Variants in ZNF326 observed in about 807,000 individuals in gnomAD.
The protein encoded by ZNF326 is zinc finger protein 326, also known as DBIRD complex subunit ZNF326.
Under a neutral mutation model 63.1 loss-of-function variants are expected in ZNF326, and 30 were observed. That is an observed-to-expected ratio of 0.48 (90% CI 0.36 to 0.64). ZNF326 has a LOEUF of 0.64. Ranked by LOEUF, ZNF326 falls within the 30% of genes least tolerant of loss-of-function variation. ZNF326 has a pLI of 0.00. For missense variants in ZNF326, 609 were observed against 720.3 expected (o/e 0.85, Z 1.77); for synonymous variants, 194 against 228.2 (o/e 0.85, Z 1.35).
intron 1 of ZNF326, among the ~76,000 whole-genome samples, chr1:89,996,060 T>C (rs181582965): frequency 2.0e-5 from 3 of 152,346 alleles, no homozygotes; most frequent in African/African-American, 4.8e-5. Flanking sequence ...AACTGTATTT[T>C]AGCAATACTT....
At chr1:89,996,099 A>G (rs1648358208) in intron 1 of ZNF326, among the ~76,000 whole-genome samples, 2 of 152,214 alleles carry the variant, frequency 1.3e-5, no homozygotes, top group Admixed American at 1.3e-4. Flanking sequence ...TAATTCTTTA[A>G]ACCACTTTTA....
At chr1:90,022,381 TGTA>T in intron 11 of ZNF326, 36 bp downstream of exon 11, 1 of 1,439,750 alleles carries the variant, frequency 6.9e-7, no homozygotes, top group African/African-American at 1.4e-5. Context: ...TCAATAATAT[TGTA>T]GTATTGCAAT....
rs910479441 is a variant in ZNF326, at chr1:90,030,512, A to G, written c.*2811A>G. ...TTTGCATTTTCTTATTCTATAGCCT[A>G]TACCCATCAGCTTTCCTTGGCTGAT... On this transcript the variant is annotated 3_prime_UTR_variant, in exon 12 of 12. Transcript: ENST00000340281. 6 of 152,102 alleles carry G rather than the reference A, an allele frequency of 3.9e-5. No individual in the cohort carries two copies. Among genetic ancestry groups the G allele is most frequent in the East Asian group, 1.9e-4 (1 of 5,190 alleles). The allele number at this position is 152,102 out of a possible 1,614,324, so 9.4% of individuals were successfully genotyped here.
intron 7 of ZNF326, among the ~76,000 whole-genome samples, 200 bp downstream of exon 7, chr1:90,013,437 A>G (rs940721857): frequency 6.6e-6 from 1 of 152,246 alleles, no homozygotes; most frequent in African/African-American, 2.4e-5. Flanking sequence ...TTCTATTCAT[A>G]TTGGCAATCC....
At chr1:90,023,710 G>T (rs1340345737) in intron 11 of ZNF326, among the ~76,000 whole-genome samples, 1 of 152,188 alleles carries the variant, frequency 6.6e-6, no homozygotes, top group African/African-American at 2.4e-5. Context: ...GATGTATGAA[G>T]ATAATTTTTA....
chr1:90,027,735 T>G lies in ZNF326; in HGVS notation c.*34T>G, dbSNP rs1196038815. The stretch of plus-strand genomic sequence containing the variant: ...TATTAGATTTAAAAGGAGCTTTACA[T>G]TTCGGTTCTAATGTAAAAAAGGGTA... On this transcript the variant is annotated 3_prime_UTR_variant, in exon 12 of 12. Transcript: ENST00000340281. 6.2e-7 allele frequency: 1 copy of G among 1,603,026 alleles called. No individual in the cohort carries two copies. The highest frequency in any genetic ancestry group is 8.5e-7 in the Non-Finnish European group (1 of 1,172,540).
Position 90,005,171 on chromosome 1 carries a change from C to T in ZNF326, c.136C>T (p.Gln46Ter). Reference sequence around the variant, plus strand: ...CTATGGCCATGGATCCTATGGGGGTCAGAGATCCATGGATTCCTACCTAAA... The same window carrying T: ...CTATGGCCATGGATCCTATGGGGGTTAGAGATCCATGGATTCCTACCTAAA... Reference protein sequence around the residue: ...RDYGHGSYGGQRSMDSYLNQS... With the variant: ...RDYGHGSYGG The change falls in exon 4 of 12, where the codon CAG becomes TAG. Residue 46 changes from glutamine (Q) to a stop codon, truncating the protein, a stop_gained. Coordinates refer to ENST00000340281, the MANE Select transcript of ZNF326 (RefSeq NM_182976.4). LOFTEE classifies it high-confidence loss of function. 1.2e-6 allele frequency: 2 copies of T among 1,613,788 alleles called. No homozygotes were observed. Among genetic ancestry groups the T allele is most frequent in the Non-Finnish European group, 1.7e-6 (2 of 1,179,906 alleles).
At position 90,030,018 on chromosome 1, in the gene ZNF326, C is replaced by G. The variant is rs1650196442; in HGVS notation, c.*2317C>G. On this transcript the variant is annotated 3_prime_UTR_variant, in exon 12 of 12. Coordinates refer to ENST00000340281, the MANE Select transcript of ZNF326 (RefSeq NM_182976.4). ...TCTGTTTTCAAGTATCACTTGTTTT[C>G]TCTATTACAAAGTGAGATACATAGT... 6.6e-6 allele frequency: 1 copy of G among 152,138 alleles called. No homozygotes were observed. Among genetic ancestry groups the G allele is most frequent in the South Asian group, 2.1e-4 (1 of 4,832 alleles). The allele number at this position is 152,138 out of a possible 1,614,324, so 9.4% of individuals were successfully genotyped here.
intron 10 of ZNF326, among the ~76,000 whole-genome samples, chr1:90,021,520 G>C (rs1452238654): frequency 6.6e-6 from 1 of 152,018 alleles, no homozygotes; most frequent in Non-Finnish European, 1.5e-5. Context: ...AAAATTTACT[G>C]TCTTCTTTTT....
chr1:90,003,297 A>AT (rs993778340), intron 2 of ZNF326, among the ~76,000 whole-genome samples: 6 of 151,512 alleles, frequency 4.0e-5, no homozygotes, highest in Non-Finnish European at 8.8e-5. Context: ...CACCCAGCTA[A>AT]TTTTTTTTGT....
chr1:90,013,090 G>T (rs1557522857), intron 6 of ZNF326, 36 bp from the exon 7 acceptor site: 8 of 1,546,524 alleles, frequency 5.2e-6, no homozygotes, highest in Non-Finnish European at 6.2e-6. Context: ...ATGGAAAAAT[G>T]AATTTTAGCT....
chr1:90,019,875 T>C (rs1174891955), intron 9 of ZNF326, among the ~76,000 whole-genome samples: 3 of 152,052 alleles, frequency 2.0e-5, no homozygotes, highest in Non-Finnish European at 4.4e-5. Context: ...CCTCACAGTT[T>C]TTTCCTTCAC....
At chr1:90,011,516 GT>G (rs11317576) in intron 6 of ZNF326, among the ~76,000 whole-genome samples, 108,978 of 126,762 alleles carry the variant, frequency 0.86, 47,611 homozygotes, top group East Asian at 0.95. Context: ...AAATAGTTAA[GT>G]TTTTTTTTTT....
At chr1:90,005,873 C>G (rs1648962070) in intron 4 of ZNF326, 2 of 985,278 alleles carry the variant, frequency 2.0e-6, no homozygotes, top group Non-Finnish European at 2.4e-6. Flanking sequence ...GAATACTATA[C>G]CTTTGACTAG....
chr1:90,024,963 C>G, intron 11 of ZNF326, among the ~76,000 whole-genome samples: 1 of 146,340 alleles, frequency 6.8e-6, no homozygotes, highest in South Asian at 2.1e-4. Context: ...CCCTTACTTG[C>G]ATCTGATTTT....
intron 2 of ZNF326, 87 bp from the exon 3 acceptor site, chr1:90,004,916 A>C: frequency 9.2e-7 from 1 of 1,086,508 alleles, no homozygotes; most frequent in South Asian, 1.5e-5. Flanking sequence ...ATCTCAGGTG[A>C]TAGATAGGAA....
At chr1:90,022,493 T>A in intron 11 of ZNF326, 148 bp downstream of exon 11, 1 of 606,264 alleles carries the variant, frequency 1.6e-6, no homozygotes, top group Non-Finnish European at 2.9e-6. Context: ...TAAAACATCT[T>A]TTTTCCTAAT....
intron 2 of ZNF326, among the ~76,000 whole-genome samples, chr1:90,004,758 C>CT (rs1030758632): frequency 9.0e-6 from 1 of 111,136 alleles, no homozygotes; most frequent in Non-Finnish European, 1.8e-5. Context: ...TAATATAGAA[C>CT]TTTTTAGTTG....
intron 2 of ZNF326, among the ~76,000 whole-genome samples, chr1:89,998,953 A>C (rs1482788081): frequency 6.6e-6 from 1 of 152,224 alleles, no homozygotes; most frequent in Non-Finnish European, 1.5e-5. Flanking sequence ...ATTACTGAAC[A>C]GTTAATTTTT....
Sources: allele counts gnomAD v4.1 joint callset (sites outside exome capture counted in the v4.1 genomes callset), GRCh38; gene constraint gnomAD v4.1.1; transcripts MANE v1.5; gene names NCBI Gene and HGNC (gene_info 2026-07-23, HGNC 2026-07-21).